Variants in MCTP1 observed in about 807,000 individuals in gnomAD.
MCTP1 encodes multiple C2 and transmembrane domain containing 1.
A neutral mutation model predicts 120.6 loss-of-function variants in MCTP1; 69 were observed. The observed-to-expected ratio is 0.57, with a 90% CI of 0.47 to 0.70. The LOEUF (loss-of-function observed/expected upper bound fraction) is 0.70. Ranked by LOEUF, MCTP1 falls within the 30% of genes least tolerant of loss-of-function variation. The pLI is 0.00. For synonymous variants in MCTP1, 529 were observed against 493.1 expected, an observed-to-expected ratio of 1.07 and a Z score of -0.96; for missense variants, 1,203 against 1,248.8, an observed-to-expected ratio of 0.96 and a Z score of 0.55.
At chr5:95,057,557 T>C (rs1175680365) in intron 1 of MCTP1, among the ~76,000 whole-genome samples, 1 of 152,212 alleles carries the variant, frequency 6.6e-6, no homozygotes, top group Non-Finnish European at 1.5e-5. Flanking sequence ...TCAAGATTAT[T>C]TTAAAATACT....
intron 1 of MCTP1, among the ~76,000 whole-genome samples, chr5:95,261,295 C>T (rs1758448256): frequency 6.6e-6 from 1 of 152,228 alleles, no homozygotes; most frequent in South Asian, 2.1e-4. Flanking sequence ...TGCAATGAAG[C>T]AGTACATATA....
At chr5:94,889,190 C>A (rs1345223135) in intron 11 of MCTP1, among the ~76,000 whole-genome samples, 1 of 151,906 alleles carries the variant, frequency 6.6e-6, no homozygotes, top group Non-Finnish European at 1.5e-5. Context: ...ATTGTTTTCT[C>A]GTATTTATTT....
At chr5:94,918,288 T>G (rs746343010) in intron 7 of MCTP1, among the ~76,000 whole-genome samples, 2 of 152,094 alleles carry the variant, frequency 1.3e-5, no homozygotes, top group African/African-American at 2.4e-5. Flanking sequence ...TCAGAGAAAA[T>G]AACTATAGCA....
chr5:94,809,399 A>T (rs1438022651), intron 17 of MCTP1, among the ~76,000 whole-genome samples: 3 of 152,086 alleles, frequency 2.0e-5, no homozygotes, highest in African/African-American at 7.2e-5. Context: ...ACATAACCAC[A>T]CATGAATAAC....
At chr5:94,836,973 C>A (rs1028664640) in intron 17 of MCTP1, among the ~76,000 whole-genome samples, 2 of 152,048 alleles carry the variant, frequency 1.3e-5, no homozygotes, top group Admixed American at 6.6e-5. Flanking sequence ...AAAAGCAAAT[C>A]TTGTTGAAAT....
intron 1 of MCTP1, chr5:95,081,606 C>A: frequency 7.1e-7 from 1 of 1,413,098 alleles, no homozygotes; most frequent in Non-Finnish European, 9.3e-7. Flanking sequence ...AACAGCCCTG[C>A]ACGGAGCACT....
At chr5:95,211,299 C>T (rs1435193493) in intron 1 of MCTP1, among the ~76,000 whole-genome samples, 7 of 152,068 alleles carry the variant, frequency 4.6e-5, no homozygotes, top group Non-Finnish European at 8.8e-5. Context: ...CTCCCTGTCA[C>T]TTTCAGGTAC....
At chr5:94,742,673 C>CT (rs1165446430) in intron 19 of MCTP1, among the ~76,000 whole-genome samples, 2 of 151,754 alleles carry the variant, frequency 1.3e-5, no homozygotes, top group Admixed American at 6.6e-5. Flanking sequence ...TATCTCTTTG[C>CT]TGTTTAAGGA....
intron 1 of MCTP1, among the ~76,000 whole-genome samples, chr5:95,216,771 GCAAA>G (rs1753091466): frequency 6.6e-6 from 1 of 152,166 alleles, no homozygotes; most frequent in Non-Finnish European, 1.5e-5. Flanking sequence ...CTGGCAACAA[GCAAA>G]CAGATACTTA....
intron 1 of MCTP1, among the ~76,000 whole-genome samples, chr5:95,211,345 C>A (rs1390816391): frequency 6.6e-6 from 1 of 152,192 alleles, no homozygotes; most frequent in Admixed American, 6.5e-5. Context: ...TTCACATAGT[C>A]CCATAATTCT....
chr5:94,705,843 A>G lies in MCTP1; in HGVS notation c.*1653T>C, dbSNP rs1754430090. 6.6e-6 allele frequency: 1 copy of G among 151,694 alleles called. No homozygotes were observed. The highest frequency in any genetic ancestry group is 2.1e-4 in the South Asian group (1 of 4,832). The allele number at this position is 151,694 out of a possible 1,614,324, so 9.4% of individuals were successfully genotyped here. On this transcript the variant is annotated 3_prime_UTR_variant, in exon 23 of 23. Transcript: ENST00000515393. Reference sequence around the variant, plus strand: ...GAACATTATGTTTTTAGCAACAAACAGTGATGGTATGCAGACAGAAGCATG... The same window carrying G: ...GAACATTATGTTTTTAGCAACAAACGGTGATGGTATGCAGACAGAAGCATG...
At chr5:94,817,726 G>A (rs757544133) in intron 17 of MCTP1, among the ~76,000 whole-genome samples, 21 of 152,134 alleles carry the variant, frequency 1.4e-4, no homozygotes, top group Admixed American at 2.6e-4. Flanking sequence ...ATCGTGGATC[G>A]ATTTGTATTT....
intron 19 of MCTP1, among the ~76,000 whole-genome samples, chr5:94,740,901 G>A (rs1483788902): frequency 1.3e-5 from 2 of 152,216 alleles, no homozygotes; most frequent in Non-Finnish European, 2.9e-5. Context: ...AATCAAAGAA[G>A]ACTTCCTGGA....
chr5:94,867,372 C>T (rs1797022496), intron 17 of MCTP1: 9 of 1,524,628 alleles, frequency 5.9e-6, no homozygotes, highest in Non-Finnish European at 7.0e-6. Flanking sequence ...AATGAAAGTC[C>T]CATACAAGGC....
intron 1 of MCTP1, among the ~76,000 whole-genome samples, chr5:95,203,841 A>G (rs1400373904): frequency 6.6e-6 from 1 of 152,198 alleles, no homozygotes; most frequent in Non-Finnish European, 1.5e-5. Context: ...GCAAAATTTC[A>G]TTTCACTGGA....
intron 7 of MCTP1, among the ~76,000 whole-genome samples, chr5:94,920,029 C>T (rs1312574323): frequency 6.6e-6 from 1 of 152,172 alleles, no homozygotes; most frequent in Non-Finnish European, 1.5e-5. Flanking sequence ...TCCATTGCTT[C>T]TTGATACAAT....
chr5:95,142,966 C>T (rs1760065825), intron 1 of MCTP1, among the ~76,000 whole-genome samples: 1 of 152,068 alleles, frequency 6.6e-6, no homozygotes. Flanking sequence ...ATAAACACCA[C>T]TGTGCAAATA....
At chr5:95,006,064 C>T (rs984351488) in intron 2 of MCTP1, among the ~76,000 whole-genome samples, 3 of 152,038 alleles carry the variant, frequency 2.0e-5, no homozygotes, top group Non-Finnish European at 4.4e-5. Flanking sequence ...AACCATAGCA[C>T]CCAGAGAGAA....
In MCTP1 at chr5:95,213,061, A is replaced by G. The variant is rs529021625; in HGVS notation, c.720+70795T>C. 1.4e-4 allele frequency among the ~76,000 whole-genome samples: 21 copies of G among 152,304 alleles called. No individual in the cohort carries two copies. The East Asian group carries it at 3.7e-3, about 27-fold the overall frequency. ...ATAAAGGGTATTCAGTTAGGAAAAG[A>G]GGAAGTCAAATTGTCCCTGTTTGCA... On this transcript the variant is annotated intron_variant, in intron 1 of 22. Coordinates refer to ENST00000515393, the MANE Select transcript of MCTP1 (RefSeq NM_024717.7).
Sources: gnomAD v4.1 joint callset for allele counts (sites outside exome capture counted in the v4.1 genomes callset) on GRCh38, gnomAD v4.1.1 for gene constraint, MANE v1.5 for transcripts, NCBI Gene and HGNC (gene_info 2026-07-23, HGNC 2026-07-21) for gene names.